The following ST3GAL1 variants were observed in gnomAD, a reference collection of about 807,000 sequenced individuals.
ST3GAL1 encodes the protein ST3 beta-galactoside alpha-2,3-sialyltransferase 1.
In ST3GAL1, 16 loss-of-function variants were observed where a neutral mutation model predicts 34.1. The observed-to-expected ratio is 0.47, with a 90% CI of 0.32 to 0.71. The LOEUF (loss-of-function observed/expected upper bound fraction) is 0.71. Among genes scored for constraint, ST3GAL1 ranks in the 30% least tolerant of loss-of-function variants. The pLI, the probability that ST3GAL1 is intolerant of heterozygous loss-of-function variation, is 0.04. For synonymous variants in ST3GAL1, 191 were observed against 184.7 expected (o/e 1.03, Z -0.28); for missense variants, 353 against 447.4 (o/e 0.79, Z 1.90).
chr8:133,568,473 T>C (rs1416506674), intron 1 of ST3GAL1, among the ~76,000 whole-genome samples: 6 of 152,186 alleles, frequency 3.9e-5, no homozygotes, highest in African/African-American at 1.2e-4. Flanking sequence ...TAGAATTCTT[T>C]GTGACCGGGC....
chr8:133,557,073 C>A (rs1819058373), intron 1 of ST3GAL1, among the ~76,000 whole-genome samples: 1 of 152,206 alleles, frequency 6.6e-6, no homozygotes, highest in Non-Finnish European at 1.5e-5. Flanking sequence ...AGCCAGCCTT[C>A]TCAGCTGTAA....
chr8:133,466,171 G>A lies in ST3GAL1; in HGVS notation c.307-81C>T, dbSNP rs1449865317. The A allele has an allele frequency of 3.5e-6, 5 of 1,433,192 alleles. No homozygotes were observed. Among genetic ancestry groups the A allele is most frequent in the East Asian group, 2.3e-5 (1 of 42,846 alleles). 88.8% of individuals were successfully genotyped at this position (1,433,192 alleles called of 1,614,324 possible). A position where few individuals can be genotyped will look rare whatever the true frequency, so the allele number is the denominator to read the frequency against. On this transcript the variant is annotated intron_variant, in intron 5 of 9. Coordinates refer to ENST00000522652, the MANE Select transcript of ST3GAL1 (RefSeq NM_173344.3). This position sits in a 1 kb window ranked among gnomAD's most constrained non-coding sequence, Gnocchi z 4.4. ...CAGCAGAGCCCCTGAGCTACCTGCT[G>A]TCGTTTACTGGGGCCCTCCTGTTCA...
chr8:133,515,158 G>A (rs761515362), intron 2 of ST3GAL1, among the ~76,000 whole-genome samples: 12 of 152,206 alleles, frequency 7.9e-5, no homozygotes, highest in African/African-American at 1.9e-4. Context: ...CTCCGAGGAC[G>A]AGGTCCTCAC....
chr8:133,486,758 GGA>G (rs1218387053), intron 3 of ST3GAL1, among the ~76,000 whole-genome samples: 1 of 152,212 alleles, frequency 6.6e-6, no homozygotes, highest in African/African-American at 2.4e-5. Flanking sequence ...TCCCAGGAGA[GGA>G]GAGAACACCC....
chr8:133,555,326 C>G (rs925921573), intron 1 of ST3GAL1, among the ~76,000 whole-genome samples: 1 of 152,170 alleles, frequency 6.6e-6, no homozygotes, highest in Non-Finnish European at 1.5e-5. Context: ...TCATCCCTGG[C>G]TCCCCAGTCC....
Position 133,519,382 on chromosome 8 carries a change from C to T in ST3GAL1, c.-428-20193G>A, listed in dbSNP as rs180849977. Among the ~76,000 whole-genome samples, 526 of 152,292 alleles carry T rather than the reference C, an allele frequency of 3.5e-3. 2 individuals carry two copies. The highest frequency in any genetic ancestry group is 5.3e-3 in the Non-Finnish European group (359 of 68,028). ...CCTGGAGGTACAGAGGCAGGTTACA[C>T]ACAGGCACACCCTAGGCCCCAGCAA... On this transcript the variant is annotated intron_variant, in intron 2 of 9. Coordinates refer to ENST00000522652, the MANE Select transcript of ST3GAL1 (RefSeq NM_173344.3).
At chr8:133,560,482 G>A (rs1055490694) in intron 1 of ST3GAL1, among the ~76,000 whole-genome samples, 13 of 152,214 alleles carry the variant, frequency 8.5e-5, no homozygotes, top group Admixed American at 7.2e-4. Flanking sequence ...CCAGGCTTTG[G>A]GAGAATGAAG....
chr8:133,496,670 C>T (rs1816954892), intron 3 of ST3GAL1, among the ~76,000 whole-genome samples: 1 of 152,188 alleles, frequency 6.6e-6, no homozygotes, highest in Admixed American at 6.5e-5. Flanking sequence ...CCTGGCCCTG[C>T]TGTGGAGCCC....
intron 2 of ST3GAL1, among the ~76,000 whole-genome samples, chr8:133,524,223 G>T: frequency 6.6e-6 from 1 of 152,100 alleles, no homozygotes; most frequent in Non-Finnish European, 1.5e-5. Context: ...AAGACTGAAT[G>T]AGCTATTATT....
Position 133,529,558 on chromosome 8 carries a change from C to T in ST3GAL1, c.-429+16216G>A, listed in dbSNP as rs560253424. Among the ~76,000 whole-genome samples, 5 of 152,274 alleles carry T rather than the reference C, an allele frequency of 3.3e-5. No individual in the cohort carries two copies. The South Asian group carries it at 6.2e-4, about 19-fold the overall frequency. The stretch of plus-strand genomic sequence containing the variant: ...ATCAAGGGACCCAGAGGAGGGGCTC[C>T]GGGCCCCATGGTGGGCTCTAGGGTA... On this transcript the variant is annotated intron_variant, in intron 2 of 9. Transcript: ENST00000522652.
chr8:133,538,444 G>A (rs778088717), intron 2 of ST3GAL1, among the ~76,000 whole-genome samples: 11 of 152,246 alleles, frequency 7.2e-5, no homozygotes, highest in Admixed American at 3.9e-4. Context: ...GAACCCAGAA[G>A]GCGGAGGTTG....
At chr8:133,480,537 G>A (rs921502950) in intron 3 of ST3GAL1, among the ~76,000 whole-genome samples, 1 of 152,194 alleles carries the variant, frequency 6.6e-6, no homozygotes, top group Non-Finnish European at 1.5e-5. Context: ...TGTGCAGGCT[G>A]TTGGCAAAAT....
chr8:133,465,756 G>C (rs547233965), intron 6 of ST3GAL1, 138 bp downstream of exon 6: 4 of 888,282 alleles, frequency 4.5e-6, no homozygotes, highest in Non-Finnish European at 6.9e-6. Context: ...GGGGTGCAGT[G>C]TGGAGCCTGG....
chr8:133,486,318 G>A (rs1816593589), intron 3 of ST3GAL1, among the ~76,000 whole-genome samples: 1 of 152,242 alleles, frequency 6.6e-6, no homozygotes, highest in Non-Finnish European at 1.5e-5. Flanking sequence ...GCACTGAGTG[G>A]GCTTTGTGTG....
At chr8:133,501,667 T>TGAAGA (rs1817159882) in intron 2 of ST3GAL1, among the ~76,000 whole-genome samples, 1 of 152,166 alleles carries the variant, frequency 6.6e-6, no homozygotes, top group African/African-American at 2.4e-5. Context: ...CAGAATCGCT[T>TGAAGA]GAACCCAGGA....
intron 2 of ST3GAL1, among the ~76,000 whole-genome samples, chr8:133,504,074 C>T (rs768852623): frequency 5.3e-5 from 8 of 152,124 alleles, no homozygotes; most frequent in Non-Finnish European, 1.0e-4. Context: ...CTGGGCTTTC[C>T]CAGCCTGGAG....
chr8:133,483,540 G>A (rs1268498271), intron 3 of ST3GAL1, among the ~76,000 whole-genome samples: 2 of 152,136 alleles, frequency 1.3e-5, no homozygotes, highest in African/African-American at 2.4e-5. Flanking sequence ...TGTCCTACTC[G>A]CAGGGTTATT....
intron 5 of ST3GAL1, among the ~76,000 whole-genome samples, chr8:133,468,608 A>C (rs1815833726): frequency 6.6e-6 from 1 of 152,240 alleles, no homozygotes; most frequent in African/African-American, 2.4e-5. Context: ...TCGTACACAC[A>C]CAAGTGGTGA....
chr8:133,531,084 C>A (rs1003210276), intron 2 of ST3GAL1, among the ~76,000 whole-genome samples: 2 of 151,546 alleles, frequency 1.3e-5, no homozygotes, highest in African/African-American at 2.4e-5. Flanking sequence ...GGCTGTCCCC[C>A]GCTCTTAGTA....
Sources: gnomAD v4.1 joint callset for allele counts (sites outside exome capture counted in the v4.1 genomes callset) on GRCh38, gnomAD v4.1.1 for gene constraint, Gnocchi (gnomAD v3.1) non-coding constraint, MANE v1.5 for transcripts, NCBI Gene and HGNC (gene_info 2026-07-23, HGNC 2026-07-21) for gene names.